NEK6: variants seen among roughly 807,000 people sequenced by gnomAD.
The protein encoded by NEK6 is NIMA related kinase 6.
In NEK6, 27 loss-of-function variants were observed where a neutral mutation model predicts 43.5. The ratio of observed to expected loss-of-function variants is 0.62; its 90% confidence interval spans 0.46 to 0.86. The LOEUF (loss-of-function observed/expected upper bound fraction) is 0.86, where lower values mean the gene tolerates loss of function less well. Ranked by LOEUF, NEK6 falls within the 40% of genes least tolerant of loss-of-function variation. The pLI is 0.00. For synonymous variants in NEK6, 167 were observed against 164.1 expected (o/e 1.02, Z -0.14); for missense variants, 318 against 414.4 (o/e 0.77, Z 2.02).
At position 124,258,003 on chromosome 9, in the gene NEK6, A is replaced by G. The variant is rs1377424354; in HGVS notation, c.-112A>G. The G allele has an allele frequency of 5.1e-6, 5 of 978,198 alleles. No individual in the cohort carries two copies. Among genetic ancestry groups the G allele is most frequent in the Non-Finnish European group, 6.0e-6 (5 of 827,348 alleles). 60.6% of individuals were successfully genotyped at this position (978,198 alleles called of 1,614,324 possible). On this transcript the variant is annotated 5_prime_UTR_variant, in exon 1 of 10. Coordinates refer to ENST00000320246, the MANE Select transcript of NEK6 (RefSeq NM_014397.6). ...ACGGGCGTGCGGCCGCTGCGCCGCA[A>G]ACTCGTGTGGGACGCACCGCTCCAG...
rs559187551 is a variant in NEK6, at chr9:124,315,212, G to A, written c.294+1227G>A. The stretch of plus-strand genomic sequence containing the variant: ...TGGGCCAGGAGCCCCAGGGAAACCC[G>A]CTTCCTGGGCAGGCCTCACAGAGGG... On this transcript the variant is annotated intron_variant, in intron 4 of 9. Coordinates refer to ENST00000320246, the MANE Select transcript of NEK6 (RefSeq NM_014397.6). 5.3e-5 allele frequency among the ~76,000 whole-genome samples: 8 copies of A among 152,356 alleles called. No homozygotes were observed. In the South Asian group the frequency reaches 1.2e-3, roughly 24 times the overall value.
chr9:124,323,296 G>A (rs561980363), intron 5 of NEK6, among the ~76,000 whole-genome samples: 1 of 152,348 alleles, frequency 6.6e-6, no homozygotes, highest in South Asian at 2.1e-4. Flanking sequence ...AGCAGAAACG[G>A]TCCCACAGGG....
At chr9:124,330,811 C>T (rs1479812210) in intron 7 of NEK6, among the ~76,000 whole-genome samples, 1 of 152,142 alleles carries the variant, frequency 6.6e-6, no homozygotes, top group Non-Finnish European at 1.5e-5. Context: ...TGTGGGCAGG[C>T]AGGGCAGGCG....
rs752094154 is a variant in NEK6 at position 124,326,465 on chromosome 9, C to G, written c.514+27C>G. ...TACGTGCCACCCGCCAGGAGCCGCC[C>G]GGAGCCACCTGGAGCCCAGGAAGAC... is the stretch of plus-strand genomic sequence containing the variant. On this transcript the variant is annotated intron_variant, in intron 6 of 9. Coordinates refer to ENST00000320246, the MANE Select transcript of NEK6 (RefSeq NM_014397.6). The surrounding 1 kb of genome is among the most constrained non-coding windows in gnomAD (Gnocchi z 4.5). The G allele has an allele frequency of 6.9e-7, 1 of 1,440,890 alleles. No homozygotes were observed. Among genetic ancestry groups the G allele is most frequent in the Non-Finnish European group, 9.4e-7 (1 of 1,058,752 alleles). 89.3% of individuals were successfully genotyped at this position (1,440,890 alleles called of 1,614,324 possible).
At chr9:124,344,631 C>A (rs1302987961) in intron 8 of NEK6, among the ~76,000 whole-genome samples, 1 of 152,232 alleles carries the variant, frequency 6.6e-6, no homozygotes, top group African/African-American at 2.4e-5. Flanking sequence ...ACCTAGATGC[C>A]CATGGAGGTG....
intron 1 of NEK6, among the ~76,000 whole-genome samples, chr9:124,295,742 T>C (rs1424263615): frequency 1.3e-5 from 2 of 152,210 alleles, no homozygotes; most frequent in Non-Finnish European, 2.9e-5. Flanking sequence ...GGGGCTGTTA[T>C]TCTGGTGCTC....
chr9:124,262,686 C>T (rs565264777), intron 1 of NEK6, among the ~76,000 whole-genome samples: 3 of 152,316 alleles, frequency 2.0e-5, no homozygotes, highest in African/African-American at 4.8e-5. Context: ...ATGGGGTGGC[C>T]GAGATCTGAA....
At chr9:124,274,719 T>A (rs1831584217) in intron 1 of NEK6, among the ~76,000 whole-genome samples, 1 of 152,320 alleles carries the variant, frequency 6.6e-6, no homozygotes, top group Middle Eastern at 3.4e-3. Flanking sequence ...GTATTCCACC[T>A]GGACATCTGA....
chr9:124,277,067 C>T (rs566077644), intron 1 of NEK6, among the ~76,000 whole-genome samples: 10 of 152,270 alleles, frequency 6.6e-5, no homozygotes, highest in Admixed American at 2.0e-4. Flanking sequence ...GACTTAGAGG[C>T]CAGTGGGGAG....
intron 1 of NEK6, among the ~76,000 whole-genome samples, chr9:124,269,704 G>A (rs536805788): frequency 1.2e-3 from 179 of 152,288 alleles, no homozygotes; most frequent in African/African-American, 4.1e-3. Context: ...AGCTTAGGAG[G>A]GGCAGGGAGT....
chr9:124,257,712 C>A, upstream of NEK6: 1 of 1,533,522 alleles, frequency 6.5e-7, no homozygotes, highest in Non-Finnish European at 8.7e-7. Context: ...GAGACGCCGG[C>A]CTGCGCCCTG....
chr9:124,269,566 T>C (rs924029721), intron 1 of NEK6, among the ~76,000 whole-genome samples: 1 of 151,782 alleles, frequency 6.6e-6, no homozygotes, highest in African/African-American at 2.4e-5. Context: ...TTAGTAGAGA[T>C]GGGTTTCACC....
rs997954736 is a variant in NEK6 at position 124,351,004 on chromosome 9, C to T, written c.*57C>T. 7 of 1,297,956 alleles carry T rather than the reference C, an allele frequency of 5.4e-6. No homozygotes were observed. The Admixed American group carries it at 1.2e-4, about 23-fold the overall frequency. The allele number at this position is 1,297,956 out of a possible 1,614,324, so 80.4% of individuals were successfully genotyped here. On this transcript the variant is annotated 3_prime_UTR_variant, in exon 10 of 10. Transcript: ENST00000320246. ...CACCACTTTGCCTTACTTGAGTCGTCTTCTCTTCGAGTGGCCACCTGGTAG... is the reference window on the plus strand; with the variant it reads ...CACCACTTTGCCTTACTTGAGTCGTTTTCTCTTCGAGTGGCCACCTGGTAG...
intron 1 of NEK6, among the ~76,000 whole-genome samples, chr9:124,283,211 T>G (rs1460739561): frequency 6.6e-6 from 1 of 152,146 alleles, no homozygotes; most frequent in Non-Finnish European, 1.5e-5. Flanking sequence ...GGCAAACCCT[T>G]CCCGTGCCTA....
rs147599859 is a variant in NEK6 at position 124,271,017 on chromosome 9, G to C, written c.-30+12932G>C. On this transcript the variant is annotated intron_variant, in intron 1 of 9. Coordinates refer to ENST00000320246, the MANE Select transcript of NEK6 (RefSeq NM_014397.6). ...GCCTTATGTTGGTTCTCTCCACAGA[G>C]CTGGGGCCAGATCTGATTTGAAGGG... Among the ~76,000 whole-genome samples the C allele has an allele frequency of 4.8e-3, 725 of 152,356 alleles. 4 individuals carry two copies. The highest frequency in any genetic ancestry group is 8.3e-3 in the Non-Finnish European group (565 of 68,032).
At chr9:124,276,518 G>A (rs73584317) in intron 1 of NEK6, among the ~76,000 whole-genome samples, 1,922 of 152,266 alleles carry the variant, frequency 0.013, 37 homozygotes, top group African/African-American at 0.044. Flanking sequence ...GTGGTACATC[G>A]AAGGGGCCAT....
At chr9:124,270,846 A>G (rs116023534) in intron 1 of NEK6, among the ~76,000 whole-genome samples, 313 of 152,342 alleles carry the variant, frequency 2.1e-3, no homozygotes, top group African/African-American at 7.0e-3. Context: ...CAAAGATGAC[A>G]TGAAGCATTT....
chr9:124,299,208 C>T (rs922163020), intron 1 of NEK6, among the ~76,000 whole-genome samples: 1 of 152,182 alleles, frequency 6.6e-6, no homozygotes, highest in Non-Finnish European at 1.5e-5. Flanking sequence ...GCAGGGGTGA[C>T]CTGTGGGCCA....
At chr9:124,294,401 A>T (rs1265669064) in intron 1 of NEK6, among the ~76,000 whole-genome samples, 1 of 151,972 alleles carries the variant, frequency 6.6e-6, no homozygotes, top group African/African-American at 2.4e-5. Context: ...AAATGGCAGG[A>T]GAATCACTTG....
Sources: gnomAD v4.1 joint callset for allele counts (sites outside exome capture counted in the v4.1 genomes callset) on GRCh38, gnomAD v4.1.1 for gene constraint, Gnocchi (gnomAD v3.1) non-coding constraint, MANE v1.5 for transcripts, NCBI Gene and HGNC (gene_info 2026-07-23, HGNC 2026-07-21) for gene names.